The following RPS6KC1 variants were observed in gnomAD, a reference collection of about 807,000 sequenced individuals.
RPS6KC1 encodes the protein ribosomal protein S6 kinase C1.
A neutral mutation model predicts 103.8 loss-of-function variants in RPS6KC1; 54 were observed. The observed-to-expected ratio is 0.52, with a 90% CI of 0.42 to 0.65. The LOEUF (loss-of-function observed/expected upper bound fraction) is 0.65, where lower values mean the gene tolerates loss of function less well. Ranked by LOEUF, RPS6KC1 falls within the 30% of genes least tolerant of loss-of-function variation. The pLI is 0.00. For synonymous variants in RPS6KC1, 439 were observed against 438.7 expected, an observed-to-expected ratio of 1.00 and a Z score of -0.01; for missense variants, 1,151 against 1,253.8, an observed-to-expected ratio of 0.92 and a Z score of 1.24.
At chr1:213,066,661 A>G (rs890570970) in intron 1 of RPS6KC1, among the ~76,000 whole-genome samples, 4 of 152,222 alleles carry the variant, frequency 2.6e-5, no homozygotes, top group Non-Finnish European at 5.9e-5. Context: ...GTTGCAGTCA[A>G]GGAGATGTCT....
the RPS6KC1 span, among the ~76,000 whole-genome samples, chr1:213,849,570 C>A: frequency 6.6e-6 from 1 of 152,024 alleles, no homozygotes; most frequent in Non-Finnish European, 1.5e-5. Context: ...TTCATTTTTT[C>A]AAAGCTTTTT....
the RPS6KC1 span, among the ~76,000 whole-genome samples, chr1:213,402,161 G>A: frequency 4.6e-5 from 7 of 152,136 alleles, no homozygotes; most frequent in African/African-American, 1.7e-4. Flanking sequence ...CACAGACATG[G>A]CTCTTCAGAT....
At chr1:213,235,676 GAA>G (rs1236935706) in intron 10 of RPS6KC1, among the ~76,000 whole-genome samples, 1 of 152,158 alleles carries the variant, frequency 6.6e-6, no homozygotes, top group Non-Finnish European at 1.5e-5. Context: ...GAGCAGAACA[GAA>G]AGAGCAGTAG....
At chr1:213,372,657 T>A in the RPS6KC1 span, among the ~76,000 whole-genome samples, 1 of 152,210 alleles carries the variant, frequency 6.6e-6, no homozygotes, top group Non-Finnish European at 1.5e-5. Flanking sequence ...TCTGTAGGCA[T>A]TTTTGTTTTT....
At chr1:213,287,967 A>G in the RPS6KC1 span, among the ~76,000 whole-genome samples, 11 of 106,872 alleles carry the variant, frequency 1.0e-4, no homozygotes, top group African/African-American at 2.8e-4. Flanking sequence ...TTAATCTTTC[A>G]TAGTAATAGT....
chr1:213,639,292 G>A, the RPS6KC1 span, among the ~76,000 whole-genome samples: 5 of 152,112 alleles, frequency 3.3e-5, no homozygotes, highest in African/African-American at 4.8e-5. Context: ...GCATAGAAAC[G>A]GCTTTATTGT....
At chr1:213,068,535 G>A (rs2078556801) in intron 1 of RPS6KC1, among the ~76,000 whole-genome samples, 1 of 138,916 alleles carries the variant, frequency 7.2e-6, no homozygotes, top group Non-Finnish European at 1.6e-5. Context: ...AGCAAAATTA[G>A]TCATACTATG....
the RPS6KC1 span, among the ~76,000 whole-genome samples, chr1:213,823,752 A>ACACACC: frequency 6.8e-6 from 1 of 147,248 alleles, no homozygotes; most frequent in Admixed American, 6.8e-5. Context: ...ACACACACAC[A>ACACACC]CCACACCACA....
chr1:213,763,245 A>C, the RPS6KC1 span, among the ~76,000 whole-genome samples: 1 of 152,172 alleles, frequency 6.6e-6, no homozygotes, highest in Non-Finnish European at 1.5e-5. Flanking sequence ...CAGCCCAAAA[A>C]ACAGGAACCA....
the RPS6KC1 span, among the ~76,000 whole-genome samples, chr1:213,413,976 C>T: frequency 6.6e-6 from 1 of 152,172 alleles, no homozygotes; most frequent in African/African-American, 2.4e-5. Flanking sequence ...AGGATAAAAG[C>T]CAGGAGGTCT....
chr1:213,588,050 C>T, the RPS6KC1 span, among the ~76,000 whole-genome samples: 10 of 152,124 alleles, frequency 6.6e-5, no homozygotes, highest in African/African-American at 1.9e-4. Context: ...TTTGTCTTCA[C>T]GTGGTAGAAG....
intron 3 of RPS6KC1, among the ~76,000 whole-genome samples, chr1:213,078,231 C>CTT (rs11416944): frequency 2.9e-3 from 369 of 128,298 alleles, no homozygotes; most frequent in South Asian, 4.6e-3. Context: ...CCTTAGTATT[C>CTT]TTTTTTTTTT....
At chr1:213,256,056 A>G (rs1192623983) in intron 12 of RPS6KC1, among the ~76,000 whole-genome samples, 1 of 141,062 alleles carries the variant, frequency 7.1e-6, no homozygotes, top group East Asian at 1.9e-4. Flanking sequence ...TGAAAAACCA[A>G]TTTACCTTTT....
chr1:213,199,424 A>G (rs115508262), intron 8 of RPS6KC1, among the ~76,000 whole-genome samples: 1 of 152,356 alleles, frequency 6.6e-6, no homozygotes, highest in Non-Finnish European at 1.5e-5. Flanking sequence ...ACATGCAGAA[A>G]ATGCTTTTGA....
At chr1:213,546,597 A>G in the RPS6KC1 span, 1 of 152,210 alleles carries the variant, frequency 6.6e-6, no homozygotes, top group Non-Finnish European at 1.5e-5. Flanking sequence ...TCTTAAGTGT[A>G]TGAATTTAGA....
chr1:213,760,848 CT>C, the RPS6KC1 span, among the ~76,000 whole-genome samples: 1,803 of 117,194 alleles, frequency 0.015, 11 homozygotes, highest in Admixed American at 0.03. Context: ...TGTGAGTCTA[CT>C]TTTTTTTTTT....
the RPS6KC1 span, among the ~76,000 whole-genome samples, chr1:213,544,053 T>C: frequency 6.6e-6 from 1 of 150,948 alleles, no homozygotes; most frequent in African/African-American, 2.4e-5. Flanking sequence ...AAGGGCAAGG[T>C]GTGGAAAGAA....
chr1:213,388,744 C>G, the RPS6KC1 span, among the ~76,000 whole-genome samples: 1 of 152,178 alleles, frequency 6.6e-6, no homozygotes, highest in Non-Finnish European at 1.5e-5. Context: ...GGAGATCACC[C>G]TGGGAGTCAC....
chr1:213,783,650 AT>A, the RPS6KC1 span, among the ~76,000 whole-genome samples: 16,992 of 150,814 alleles, frequency 0.11, 1,295 homozygotes, highest in East Asian at 0.25. Flanking sequence ...TTATCAAGGG[AT>A]TTTTTTTTGT....
Sources: gnomAD v4.1 joint callset for allele counts (sites outside exome capture counted in the v4.1 genomes callset) on GRCh38, gnomAD v4.1.1 for gene constraint, MANE v1.5 for transcripts, NCBI Gene and HGNC (gene_info 2026-07-23, HGNC 2026-07-21) for gene names.